Variants in NELL1 observed in about 807,000 individuals in gnomAD.
NELL1 encodes the protein protein kinase C-binding protein NELL1.
A neutral mutation model predicts 107.4 loss-of-function variants in NELL1; 76 were observed. The observed-to-expected ratio is 0.71, with a 90% CI of 0.59 to 0.86. The LOEUF (loss-of-function observed/expected upper bound fraction) is 0.86. Ranked by LOEUF, NELL1 falls within the 40% of genes least tolerant of loss-of-function variation. The probability of loss-of-function intolerance (pLI) is 0.00; values close to 1 mark genes in which losing one functional copy is unlikely to be tolerated. For synonymous variants in NELL1, 353 were observed against 341.2 expected (o/e 1.03, Z -0.38); for missense variants, 1,024 against 1,005.5 (o/e 1.02, Z -0.25).
intron 15 of NELL1, among the ~76,000 whole-genome samples, chr11:21,424,544 C>G (rs1852772553): frequency 1.3e-5 from 2 of 152,056 alleles, no homozygotes; most frequent in Non-Finnish European, 1.5e-5. Context: ...TCGCTTGAAC[C>G]TGGGAGACAG....
At chr11:21,090,814 T>C (rs1197384409) in intron 12 of NELL1, among the ~76,000 whole-genome samples, 3 of 152,182 alleles carry the variant, frequency 2.0e-5, no homozygotes, top group Non-Finnish European at 4.4e-5. Context: ...ATAGGACATA[T>C]ATGATTTTTC....
At chr11:21,101,307 A>C (rs149424904) in intron 12 of NELL1, among the ~76,000 whole-genome samples, 8,553 of 152,238 alleles carry the variant, frequency 0.056, 850 homozygotes, top group African/African-American at 0.19. Context: ...ATATGTGTGC[A>C]TGTGTCTTTA....
chr11:21,054,182 T>C (rs527893126), intron 12 of NELL1, among the ~76,000 whole-genome samples: 324 of 151,764 alleles, frequency 2.1e-3, no homozygotes, highest in African/African-American at 7.6e-3. Context: ...TCTCTTTTTT[T>C]CTCTCTCTCT....
chr11:20,948,765 T>TAAAAA (rs35915453), intron 11 of NELL1, among the ~76,000 whole-genome samples: 1 of 107,296 alleles, frequency 9.3e-6, no homozygotes, highest in African/African-American at 3.5e-5. Context: ...TTCAAAATCT[T>TAAAAA]AAAAAAAAAA....
intron 2 of NELL1, among the ~76,000 whole-genome samples, chr11:20,755,547 T>TG (rs1856248583): frequency 2.6e-5 from 1 of 38,028 alleles, no homozygotes; most frequent in African/African-American, 8.9e-5. Context: ...TTTGTTTTTT[T>TG]TTGTTTTTGT....
intron 15 of NELL1, among the ~76,000 whole-genome samples, chr11:21,403,372 C>T (rs1015259096): frequency 6.6e-6 from 1 of 151,676 alleles, no homozygotes; most frequent in Admixed American, 6.6e-5. Flanking sequence ...GAAATCCAAT[C>T]CAACCTATCT....
chr11:20,709,077 C>G (rs1386267848), intron 2 of NELL1, among the ~76,000 whole-genome samples: 1 of 152,126 alleles, frequency 6.6e-6, no homozygotes, highest in Non-Finnish European at 1.5e-5. Context: ...TTACTGCTCA[C>G]CTGCTGCTGT....
chr11:21,082,207 C>A (rs1039775836), intron 12 of NELL1, among the ~76,000 whole-genome samples: 1 of 152,148 alleles, frequency 6.6e-6, no homozygotes, highest in African/African-American at 2.4e-5. Flanking sequence ...GGGCTGCATC[C>A]TGAACTCCTA....
At chr11:21,017,356 T>C (rs1852589166) in intron 12 of NELL1, among the ~76,000 whole-genome samples, 1 of 152,134 alleles carries the variant, frequency 6.6e-6, no homozygotes, top group African/African-American at 2.4e-5. Flanking sequence ...TTTTAGAGGC[T>C]TGCTAGTGAG....
Position 21,500,547 on chromosome 11 carries a change from C to T in NELL1, c.1646-33827C>T, listed in dbSNP as rs148097976. ...CCACAATATTTATAATCAGTTTGAC[C>T]TACAGTTCCCAACAATTCAATTTGC... On this transcript the variant is annotated intron_variant, in intron 15 of 19. Coordinates refer to ENST00000357134, the MANE Select transcript of NELL1 (RefSeq NM_006157.5). Among the ~76,000 whole-genome samples the T allele has an allele frequency of 2.0e-3, 298 of 152,030 alleles. 1 individual carries two copies. Among genetic ancestry groups the T allele is most frequent in the African/African-American group, 6.5e-3 (271 of 41,500 alleles).
chr11:20,703,032 G>C (rs952846516), intron 2 of NELL1, among the ~76,000 whole-genome samples: 1 of 152,136 alleles, frequency 6.6e-6, no homozygotes, highest in South Asian at 2.1e-4. Context: ...GAGTTAGGGA[G>C]GATTCCCTCT....
At chr11:21,362,933 G>T (rs1031461691) in intron 14 of NELL1, among the ~76,000 whole-genome samples, 1 of 152,164 alleles carries the variant, frequency 6.6e-6, no homozygotes, top group Non-Finnish European at 1.5e-5. Context: ...CACCTCTGCT[G>T]TGTTATATGG....
intron 13 of NELL1, among the ~76,000 whole-genome samples, chr11:21,198,643 T>A (rs1321329996): frequency 2.0e-5 from 3 of 152,238 alleles, no homozygotes; most frequent in Non-Finnish European, 4.4e-5. Context: ...TTATTTGCTC[T>A]GTCCTGCATT....
chr11:21,466,978 CTA>C (rs1451212876), intron 15 of NELL1, among the ~76,000 whole-genome samples: 1 of 151,998 alleles, frequency 6.6e-6, no homozygotes, highest in Non-Finnish European at 1.5e-5. Context: ...GAACCCAACT[CTA>C]TTTTATATGT....
chr11:21,239,129 C>T (rs907839796), intron 14 of NELL1, among the ~76,000 whole-genome samples: 4 of 152,020 alleles, frequency 2.6e-5, no homozygotes, highest in Admixed American at 6.6e-5. Flanking sequence ...GAAAAATCCA[C>T]TGAAATTTTT....
intron 13 of NELL1, among the ~76,000 whole-genome samples, chr11:21,151,759 C>T (rs1198897599): frequency 6.6e-6 from 1 of 152,166 alleles, no homozygotes; most frequent in Non-Finnish European, 1.5e-5. Context: ...CTAAGCTGTG[C>T]TTTCTGTATC....
At chr11:21,002,285 A>G (rs1344064224) in intron 12 of NELL1, among the ~76,000 whole-genome samples, 3 of 152,200 alleles carry the variant, frequency 2.0e-5, no homozygotes, top group Non-Finnish European at 4.4e-5. Flanking sequence ...GAGCAAGAAT[A>G]TATTATAACA....
chr11:21,049,353 G>A (rs1446874161), intron 12 of NELL1, among the ~76,000 whole-genome samples: 2 of 152,186 alleles, frequency 1.3e-5, no homozygotes, highest in African/African-American at 2.4e-5. Flanking sequence ...AAGCTTTACT[G>A]TTACCCTTTT....
intron 8 of NELL1, 33 bp from the exon 9 acceptor site, chr11:20,928,344 C>G (rs374537956): frequency 6.4e-7 from 1 of 1,572,174 alleles, no homozygotes; most frequent in Admixed American, 1.7e-5. Flanking sequence ...AAGGATACTT[C>G]TGAGATTATG....
Sources: gnomAD v4.1 joint callset for allele counts (sites outside exome capture counted in the v4.1 genomes callset) on GRCh38, gnomAD v4.1.1 for gene constraint, MANE v1.5 for transcripts, NCBI Gene and HGNC (gene_info 2026-07-23, HGNC 2026-07-21) for gene names.